LRRC4C: variants seen among roughly 807,000 people sequenced by gnomAD.
LRRC4C encodes leucine rich repeat containing 4C.
In LRRC4C, 5 loss-of-function variants were observed where a neutral mutation model predicts 33.6. The observed-to-expected ratio is 0.15, with a 90% CI of 0.08 to 0.31. The LOEUF is 0.31. LRRC4C is among the 10% of genes least tolerant of loss of function. LRRC4C has a pLI of 1.00. For synonymous variants in LRRC4C, 329 were observed against 302.0 expected, an observed-to-expected ratio of 1.09 and a Z score of -0.93; for missense variants, 560 against 796.7, an observed-to-expected ratio of 0.70 and a Z score of 3.58.
chr11:41,301,191 T>C (rs1047785262), intron 1 of LRRC4C, among the ~76,000 whole-genome samples: 4 of 152,172 alleles, frequency 2.6e-5, no homozygotes, highest in Non-Finnish European at 4.4e-5. Context: ...CTCCTGTGAG[T>C]TGAAGTGGAT....
intron 3 of LRRC4C, among the ~76,000 whole-genome samples, chr11:40,441,830 AG>A (rs913738249): frequency 6.6e-5 from 10 of 152,294 alleles, no homozygotes; most frequent in Non-Finnish European, 1.5e-4. Context: ...TGGTAGATCA[AG>A]TTTCTTTAAA....
intron 3 of LRRC4C, among the ~76,000 whole-genome samples, chr11:40,485,974 C>T (rs1426393544): frequency 6.6e-6 from 1 of 151,798 alleles, no homozygotes; most frequent in Non-Finnish European, 1.5e-5. Context: ...CAGTGAACAA[C>T]ACACACCGAG....
chr11:40,281,008 G>T (rs1278205754), intron 4 of LRRC4C, among the ~76,000 whole-genome samples: 4 of 152,160 alleles, frequency 2.6e-5, no homozygotes, highest in Non-Finnish European at 5.9e-5. Flanking sequence ...AAGGACAGAG[G>T]GAGGAGAAAA....
chr11:41,313,350 G>T (rs1174836190), intron 1 of LRRC4C, among the ~76,000 whole-genome samples: 1 of 152,202 alleles, frequency 6.6e-6, no homozygotes, highest in Non-Finnish European at 1.5e-5. Context: ...AAAAGCTTCT[G>T]TCTGGCCAGA....
intron 3 of LRRC4C, among the ~76,000 whole-genome samples, chr11:40,436,440 A>G (rs1361969608): frequency 6.6e-6 from 1 of 152,166 alleles, no homozygotes; most frequent in Non-Finnish European, 1.5e-5. Flanking sequence ...TTGAGTAATA[A>G]AGGCAAATTT....
At chr11:40,138,433 G>A (rs1857136150) in intron 6 of LRRC4C, among the ~76,000 whole-genome samples, 1 of 152,186 alleles carries the variant, frequency 6.6e-6, no homozygotes, top group Non-Finnish European at 1.5e-5. Context: ...CTAAAGGGAT[G>A]AAGACTAACA....
intron 4 of LRRC4C, among the ~76,000 whole-genome samples, chr11:40,303,495 G>T (rs1161466856): frequency 6.6e-6 from 1 of 152,132 alleles, no homozygotes; most frequent in Non-Finnish European, 1.5e-5. Context: ...TTTAAGGCAA[G>T]CTTATATTAG....
chr11:41,304,352 G>T (rs1591210127), intron 1 of LRRC4C, among the ~76,000 whole-genome samples: 2 of 109,268 alleles, frequency 1.8e-5, no homozygotes, highest in East Asian at 3.1e-4. Flanking sequence ...GGAGGTGGGG[G>T]GGTCAGCCCT....
intron 4 of LRRC4C, among the ~76,000 whole-genome samples, chr11:40,273,328 T>C (rs1942846858): frequency 1.3e-5 from 2 of 152,066 alleles, no homozygotes; most frequent in Admixed American, 1.3e-4. Flanking sequence ...AGGCAACTAG[T>C]AATGCTGCAG....
rs1311045789 is a variant in LRRC4C at position 40,612,473 on chromosome 11, A to G, written c.-270+35669T>C. 2.0e-5 allele frequency among the ~76,000 whole-genome samples: 3 copies of G among 151,918 alleles called. No individual in the cohort carries two copies. The East Asian group carries it at 5.8e-4, about 29-fold the overall frequency. Reference sequence around the variant, plus strand: ...AGTTCTAAAGATCTGCTGTATAACAATGTGCATATAGTTAGCAAAAGTGTA... The same window carrying G: ...AGTTCTAAAGATCTGCTGTATAACAGTGTGCATATAGTTAGCAAAAGTGTA... On this transcript the variant is annotated intron_variant, in intron 3 of 6. Coordinates refer to ENST00000528697, the MANE Select transcript of LRRC4C (RefSeq NM_001258419.2).
intron 2 of LRRC4C, among the ~76,000 whole-genome samples, chr11:40,920,211 C>A (rs1402849825): frequency 6.6e-6 from 1 of 152,072 alleles, no homozygotes; most frequent in East Asian, 1.9e-4. Flanking sequence ...CTTTATTAGC[C>A]CCTTATCAAA....
chr11:40,835,565 T>C (rs1052693251), intron 2 of LRRC4C, among the ~76,000 whole-genome samples: 12 of 152,220 alleles, frequency 7.9e-5, no homozygotes, highest in African/African-American at 2.9e-4. Flanking sequence ...TCTGATTTTA[T>C]ACATCTATTT....
chr11:40,590,523 A>T (rs1958990701), intron 3 of LRRC4C, among the ~76,000 whole-genome samples: 1 of 151,984 alleles, frequency 6.6e-6, no homozygotes, highest in South Asian at 2.1e-4. Context: ...GCTGGTGAGG[A>T]ACTGTGTTCC....
chr11:41,284,715 G>C (rs926796179), intron 1 of LRRC4C, among the ~76,000 whole-genome samples: 28 of 152,148 alleles, frequency 1.8e-4, no homozygotes, highest in African/African-American at 6.5e-4. Flanking sequence ...TTTCAGGTCA[G>C]CTCAGGGCAT....
intron 1 of LRRC4C, among the ~76,000 whole-genome samples, chr11:41,179,702 CT>C (rs1945361653): frequency 6.6e-6 from 1 of 152,184 alleles, no homozygotes; most frequent in African/African-American, 2.4e-5. Flanking sequence ...AGGTATACAA[CT>C]GTTTCCTACA....
chr11:41,316,547 TCTC>T (rs1375937179), intron 1 of LRRC4C, among the ~76,000 whole-genome samples: 1 of 152,166 alleles, frequency 6.6e-6, no homozygotes, highest in African/African-American at 2.4e-5. Flanking sequence ...GCATGGCAAG[TCTC>T]CTCTCTAGGA....
intron 2 of LRRC4C, among the ~76,000 whole-genome samples, chr11:40,828,354 A>G (rs907247195): frequency 4.6e-5 from 7 of 151,742 alleles, no homozygotes; most frequent in Admixed American, 4.6e-4. Flanking sequence ...TAGGATGCAA[A>G]ACCCTCTCCT....
chr11:41,032,351 C>T (rs1252523465), intron 1 of LRRC4C, among the ~76,000 whole-genome samples: 1 of 152,022 alleles, frequency 6.6e-6, no homozygotes, highest in Non-Finnish European at 1.5e-5. Context: ...AATTAACACT[C>T]ATCTAACTTT....
chr11:41,355,833 G>A (rs1035624306), intron 1 of LRRC4C, among the ~76,000 whole-genome samples: 1 of 151,868 alleles, frequency 6.6e-6, no homozygotes, highest in Non-Finnish European at 1.5e-5. Flanking sequence ...CATTCCTAAA[G>A]CTCTTAAACT....
Sources: gnomAD v4.1 joint callset for allele counts (sites outside exome capture counted in the v4.1 genomes callset) on GRCh38, gnomAD v4.1.1 for gene constraint, MANE v1.5 for transcripts, NCBI Gene and HGNC (gene_info 2026-07-23, HGNC 2026-07-21) for gene names.